Variants in ZNF407 observed in about 807,000 individuals in gnomAD.
ZNF407 encodes the protein zinc finger protein 407.
Under a neutral mutation model 131.2 loss-of-function variants are expected in ZNF407, and 17 were observed. The ratio of observed to expected loss-of-function variants is 0.13; its 90% confidence interval spans 0.09 to 0.19. ZNF407 has a LOEUF of 0.19. ZNF407 is among the 10% of genes least tolerant of loss of function. ZNF407 has a pLI of 1.00. For missense variants in ZNF407, 2,681 were observed against 2,830.6 expected (o/e 0.95, Z 1.20); for synonymous variants, 1,156 against 1,062.0 (o/e 1.09, Z -1.72).
intron 7 of ZNF407, among the ~76,000 whole-genome samples, chr18:74,916,412 A>AGTGT (rs543790604): frequency 1.4e-5 from 1 of 70,428 alleles, no homozygotes; most frequent in African/African-American, 6.8e-5. Flanking sequence ...TCGAATCGGG[A>AGTGT]GTGTGTGTGT....
chr18:74,769,807 A>G (rs1035941937), intron 3 of ZNF407, among the ~76,000 whole-genome samples: 1 of 152,190 alleles, frequency 6.6e-6, no homozygotes, highest in Non-Finnish European at 1.5e-5. Flanking sequence ...AAAATAATAT[A>G]CACTTTCATC....
chr18:74,638,218 G>A (rs578155511), intron 2 of ZNF407, among the ~76,000 whole-genome samples: 80 of 152,312 alleles, frequency 5.3e-4, no homozygotes, highest in African/African-American at 1.7e-3. Context: ...AGCTCAATAC[G>A]TGACAAAGGA....
intron 8 of ZNF407, among the ~76,000 whole-genome samples, chr18:75,034,008 C>G (rs1973275844): frequency 6.6e-6 from 1 of 152,082 alleles, no homozygotes; most frequent in African/African-American, 2.4e-5. Flanking sequence ...AATGACTAGT[C>G]AAGTCGTATT....
chr18:74,720,647 T>G (rs1467748798), intron 3 of ZNF407, among the ~76,000 whole-genome samples: 1 of 152,198 alleles, frequency 6.6e-6, no homozygotes, highest in African/African-American at 2.4e-5. Flanking sequence ...TACATTTAGG[T>G]GCTTGATCCA....
chr18:74,670,247 C>G (rs1986090261), intron 3 of ZNF407, among the ~76,000 whole-genome samples: 2 of 152,150 alleles, frequency 1.3e-5, no homozygotes, highest in African/African-American at 4.8e-5. Context: ...CAGTTAAGAC[C>G]AGGATGCTCT....
chr18:74,859,886 CTT>C (rs1027849194), intron 4 of ZNF407, among the ~76,000 whole-genome samples: 23 of 152,224 alleles, frequency 1.5e-4, no homozygotes, highest in African/African-American at 5.3e-4. Context: ...GATACTTGAA[CTT>C]TTTTCCTTCC....
In ZNF407 at chr18:74,598,783, C is replaced by G. The variant is rs1002780076; in HGVS notation, c.-54+846C>G. Among the ~76,000 whole-genome samples, 10 of 152,258 alleles carry G rather than the reference C, an allele frequency of 6.6e-5. 1 individual carries two copies. Among genetic ancestry groups the G allele is most frequent in the Admixed American group, 5.9e-4 (9 of 15,290 alleles). On this transcript the variant is annotated intron_variant, in intron 1 of 8. Transcript: ENST00000299687. ...ACCTCTTTCCAGCCAGCTAGCACGC[C>G]CTGGGTGCTTGGCCTCCTTCTGGAG...
intron 3 of ZNF407, among the ~76,000 whole-genome samples, chr18:74,645,637 T>TTGTGTG (rs35047949): frequency 0.045 from 6,535 of 145,232 alleles, 180 homozygotes; most frequent in African/African-American, 0.085. Flanking sequence ...GTAAAACTCT[T>TTGTGTG]TGTGTGTGTG....
chr18:74,726,777 G>A (rs1968168330), intron 3 of ZNF407, among the ~76,000 whole-genome samples: 1 of 152,174 alleles, frequency 6.6e-6, no homozygotes, highest in Admixed American at 6.5e-5. Flanking sequence ...AGATATTTAA[G>A]TTTCAATTCT....
chr18:74,745,771 C>T (rs1968654448), intron 3 of ZNF407, among the ~76,000 whole-genome samples: 1 of 152,028 alleles, frequency 6.6e-6, no homozygotes, highest in Non-Finnish European at 1.5e-5. Context: ...ATTTAGGAAA[C>T]CGGTCTTATG....
chr18:74,902,528 A>G (rs1474411066), intron 7 of ZNF407, among the ~76,000 whole-genome samples: 1 of 152,198 alleles, frequency 6.6e-6, no homozygotes, highest in African/African-American at 2.4e-5. Flanking sequence ...GAAATGAACC[A>G]GTTATTATTT....
At chr18:74,855,243 G>A (rs925533763) in intron 4 of ZNF407, among the ~76,000 whole-genome samples, 2 of 152,116 alleles carry the variant, frequency 1.3e-5, no homozygotes, top group African/African-American at 2.4e-5. Context: ...GCATACCTAC[G>A]GGAGCTTTTA....
chr18:74,897,510 A>C (rs1200297111), intron 7 of ZNF407, among the ~76,000 whole-genome samples: 2 of 152,232 alleles, frequency 1.3e-5, no homozygotes, highest in Non-Finnish European at 2.9e-5. Context: ...AAAAGGACCA[A>C]AGCTATCTTT....
At chr18:74,655,520 A>G (rs1489344202) in intron 3 of ZNF407, among the ~76,000 whole-genome samples, 1 of 152,118 alleles carries the variant, frequency 6.6e-6, no homozygotes, top group African/African-American at 2.4e-5. Flanking sequence ...AAGTACCAGT[A>G]TTGACTCTTA....
intron 3 of ZNF407, among the ~76,000 whole-genome samples, chr18:74,663,544 C>G (rs897064407): frequency 6.6e-6 from 1 of 152,144 alleles, no homozygotes; most frequent in South Asian, 2.1e-4. Flanking sequence ...GGTCCCGGCT[C>G]GACACCACAT....
intron 3 of ZNF407, among the ~76,000 whole-genome samples, chr18:74,759,072 T>A (rs187260516): frequency 1.3e-4 from 20 of 152,280 alleles, no homozygotes; most frequent in Non-Finnish European, 2.4e-4. Flanking sequence ...TGGGTGTGTC[T>A]TCATATCTCC....
At chr18:74,752,993 C>T (rs981105969) in intron 3 of ZNF407, among the ~76,000 whole-genome samples, 3 of 152,166 alleles carry the variant, frequency 2.0e-5, no homozygotes, top group South Asian at 4.1e-4. Context: ...GGTATTGATT[C>T]TTCCTATCCA....
chr18:74,731,297 T>C (rs181605921), intron 3 of ZNF407, among the ~76,000 whole-genome samples: 1 of 152,348 alleles, frequency 6.6e-6, no homozygotes, highest in East Asian at 1.9e-4. Flanking sequence ...GTTGGTAAGA[T>C]GCATTTCGGG....
chr18:74,647,471 C>T (rs1447906533), intron 3 of ZNF407, among the ~76,000 whole-genome samples: 2 of 152,048 alleles, frequency 1.3e-5, no homozygotes, highest in African/African-American at 4.8e-5. Context: ...TGTAGAGTCT[C>T]AGGATTCTGT....
Sources: gnomAD v4.1 joint callset for allele counts (sites outside exome capture counted in the v4.1 genomes callset) on GRCh38, gnomAD v4.1.1 for gene constraint, MANE v1.5 for transcripts, NCBI Gene and HGNC (gene_info 2026-07-23, HGNC 2026-07-21) for gene names.